AOPEP: variants seen among roughly 807,000 people sequenced by gnomAD.
The protein encoded by AOPEP is aminopeptidase O.
Under a neutral mutation model 98.1 loss-of-function variants are expected in AOPEP, and 77 were observed. That is an observed-to-expected ratio of 0.78 (90% CI 0.65 to 0.95). AOPEP has a LOEUF of 0.95. AOPEP is among the 40% of genes least tolerant of loss of function. The pLI is 0.00. For missense variants in AOPEP, 1,024 were observed against 1,024.7 expected, an observed-to-expected ratio of 1.00 and a Z score of 0.01; for synonymous variants, 346 against 365.3, an observed-to-expected ratio of 0.95 and a Z score of 0.60.
rs778574044 is a variant in AOPEP at position 94,792,855 on chromosome 9, A to G, written c.1055A>G (p.Glu352Gly). The part of the protein sequence containing the change: ...AVGCWTEMKM[E>G]TWSSNDLATE... ...GGATGCTGGACAGAAATGAAGATGG[A>G]GACATGGTCATCAAATGATTTGGCA... is the stretch of plus-strand genomic sequence containing the variant. Residue 352 changes from glutamate to glycine, a missense_variant, in exon 4 of 17, where the codon GAG becomes GGG. Around this residue, in one of 3 missense-constraint regions of AOPEP, gnomAD observed 440 missense variants for 433.8 expected, o/e 1.01. Transcript: ENST00000375315. 1.9e-6 allele frequency: 3 copies of G among 1,613,746 alleles called. No individual in the cohort carries two copies. The highest frequency in any genetic ancestry group is 2.5e-6 in the Non-Finnish European group (3 of 1,179,854).
intron 7 of AOPEP, among the ~76,000 whole-genome samples, chr9:94,944,786 T>C (rs2057430649): frequency 6.6e-6 from 1 of 152,110 alleles, no homozygotes; most frequent in South Asian, 2.1e-4. Context: ...TTTAGGGTGA[T>C]TAACATGTTC....
chr9:94,923,440 G>A (rs1288621478), intron 5 of AOPEP, among the ~76,000 whole-genome samples: 1 of 152,132 alleles, frequency 6.6e-6, no homozygotes, highest in Non-Finnish European at 1.5e-5. Context: ...GGGCCTCCTG[G>A]AAACCTCAGC....
At chr9:95,129,063 T>A in the AOPEP span, among the ~76,000 whole-genome samples, 2 of 151,970 alleles carry the variant, frequency 1.3e-5, no homozygotes, top group African/African-American at 4.8e-5. Flanking sequence ...CCACCACACC[T>A]GGCTAATTTT....
At chr9:94,965,510 AGAAGAAC>A (rs1184632121) in intron 9 of AOPEP, among the ~76,000 whole-genome samples, 2 of 152,196 alleles carry the variant, frequency 1.3e-5, no homozygotes, top group Non-Finnish European at 2.9e-5. Flanking sequence ...TGATGATAGA[AGAAGAAC>A]ACCTTGTCAT....
intron 5 of AOPEP, among the ~76,000 whole-genome samples, chr9:94,808,116 C>T (rs148035707): frequency 1.5e-3 from 220 of 151,212 alleles, no homozygotes; most frequent in African/African-American, 4.6e-3. Context: ...AATCTTGGCT[C>T]ACTGCCACCT....
At chr9:95,107,330 G>A in the AOPEP span, 1 of 1,543,344 alleles carries the variant, frequency 6.5e-7, no homozygotes, top group East Asian at 2.3e-5. Flanking sequence ...ATACTTCTAG[G>A]ATTTATTTAT....
intron 4 of AOPEP, among the ~76,000 whole-genome samples, chr9:94,797,918 G>A (rs538919495): frequency 6.6e-6 from 1 of 151,924 alleles, no homozygotes; most frequent in Admixed American, 6.6e-5. Flanking sequence ...TGGCTAGGCT[G>A]GTCTCAAACT....
downstream of AOPEP, among the ~76,000 whole-genome samples, chr9:95,088,529 C>T (rs540645284): frequency 1.5e-5 from 2 of 133,414 alleles, no homozygotes; most frequent in East Asian, 2.2e-4. Flanking sequence ...TCTCTCTCTG[C>T]GCTTTCTAAG....
rs554696025 is a variant in AOPEP at position 95,038,641 on chromosome 9, C to T, written c.2116-22053C>T. Among the ~76,000 whole-genome samples, 8 of 152,298 alleles carry T rather than the reference C, an allele frequency of 5.3e-5. No individual in the cohort carries two copies. The South Asian group carries it at 1.4e-3, about 28-fold the overall frequency. ...TCAGGTGTGCTCTGCCTCCAAGGTG[C>T]CCTGCAAGAGAAGGCATCTCCTCAA... is the stretch of plus-strand genomic sequence containing the variant. On this transcript the variant is annotated intron_variant, in intron 13 of 16. Transcript: ENST00000375315.
At chr9:95,148,846 A>AT in the AOPEP span, among the ~76,000 whole-genome samples, 1 of 152,192 alleles carries the variant, frequency 6.6e-6, no homozygotes, top group Non-Finnish European at 1.5e-5. Context: ...AAAAATGACC[A>AT]TTTTCAAATT....
At chr9:95,018,667 A>G (rs1173073759) in intron 13 of AOPEP, among the ~76,000 whole-genome samples, 2 of 152,226 alleles carry the variant, frequency 1.3e-5, no homozygotes, top group Non-Finnish European at 2.9e-5. Context: ...GTCTGATGAC[A>G]TGCAGCTTGT....
At chr9:94,794,181 C>G (rs1846395956) in intron 4 of AOPEP, among the ~76,000 whole-genome samples, 1 of 152,200 alleles carries the variant, frequency 6.6e-6, no homozygotes. Flanking sequence ...TGGATATTTA[C>G]TGGCAGCCTG....
chr9:95,076,404 T>G (rs2069072458), intron 14 of AOPEP, among the ~76,000 whole-genome samples: 2 of 152,236 alleles, frequency 1.3e-5, no homozygotes, highest in South Asian at 4.1e-4. Flanking sequence ...CATCAGAGGT[T>G]GTTTTCAGTC....
chr9:94,978,762 G>T (rs1464072278), intron 10 of AOPEP, among the ~76,000 whole-genome samples: 2 of 152,200 alleles, frequency 1.3e-5, no homozygotes, highest in East Asian at 3.8e-4. Flanking sequence ...ACTCAAGTCA[G>T]CGGGGCATGA....
At chr9:94,765,478 T>TAATAAG (rs1211958270) in intron 2 of AOPEP, among the ~76,000 whole-genome samples, 2 of 147,382 alleles carry the variant, frequency 1.4e-5, no homozygotes, top group African/African-American at 2.5e-5. Context: ...ATAATAATAA[T>TAATAAG]AAGTCACAGC....
chr9:95,126,630 T>G, the AOPEP span: 34 of 1,588,238 alleles, frequency 2.1e-5, no homozygotes, highest in Non-Finnish European at 2.9e-5. Context: ...AAGCACTTTC[T>G]CAGAAACTTG....
chr9:95,124,857 A>C, the AOPEP span, among the ~76,000 whole-genome samples: 2 of 152,186 alleles, frequency 1.3e-5, no homozygotes, highest in Non-Finnish European at 2.9e-5. Context: ...CAGAGTTCTC[A>C]GACATAATAG....
the AOPEP span, among the ~76,000 whole-genome samples, chr9:95,128,127 C>T: frequency 6.6e-6 from 1 of 152,208 alleles, no homozygotes; most frequent in African/African-American, 2.4e-5. Context: ...GTCAGTTAAT[C>T]TCCTGATGCC....
chr9:95,111,168 G>T, the AOPEP span: 1 of 1,535,716 alleles, frequency 6.5e-7, no homozygotes, highest in Middle Eastern at 1.8e-4. Flanking sequence ...CGACCCTGGG[G>T]CAGATATGGC....
Sources: allele counts gnomAD v4.1 joint callset (sites outside exome capture counted in the v4.1 genomes callset), GRCh38; gene constraint gnomAD v4.1.1; regional missense constraint gnomAD v4.1.1; transcripts MANE v1.5; gene names NCBI Gene and HGNC (gene_info 2026-07-23, HGNC 2026-07-21).